NLGN1: variants seen among roughly 807,000 people sequenced by gnomAD.
NLGN1 encodes the protein neuroligin-1.
NLGN1 carries 12 observed loss-of-function variants against 65.5 expected under a neutral mutation model. That is an observed-to-expected ratio of 0.18 (90% CI 0.12 to 0.30). The LOEUF (loss-of-function observed/expected upper bound fraction) is 0.30. Among genes scored for constraint, NLGN1 ranks in the 10% least tolerant of loss-of-function variants. The probability of loss-of-function intolerance (pLI) is 1.00; values close to 1 mark genes in which losing one functional copy is unlikely to be tolerated. For synonymous variants in NLGN1, 350 were observed against 359.5 expected (o/e 0.97, Z 0.30); for missense variants, 750 against 1,007.1 (o/e 0.74, Z 3.46).
intron 4 of NLGN1, among the ~76,000 whole-genome samples, chr3:173,973,760 A>G (rs1259188552): frequency 6.6e-6 from 1 of 152,068 alleles, no homozygotes; most frequent in Non-Finnish European, 1.5e-5. Flanking sequence ...GATATTTTCC[A>G]AGACCCAAAT....
At chr3:173,554,151 T>C (rs568126242) in intron 2 of NLGN1, among the ~76,000 whole-genome samples, 19 of 152,226 alleles carry the variant, frequency 1.2e-4, no homozygotes, top group Non-Finnish European at 2.5e-4. Flanking sequence ...TGGGGAATTA[T>C]AATTCTATAA....
intron 4 of NLGN1, among the ~76,000 whole-genome samples, chr3:174,139,991 A>C (rs559267868): frequency 6.6e-6 from 1 of 152,274 alleles, no homozygotes; most frequent in Non-Finnish European, 1.5e-5. Flanking sequence ...ATTTTAGATA[A>C]CAGTTATTTA....
At chr3:173,779,824 T>G (rs1044377714) in intron 3 of NLGN1, among the ~76,000 whole-genome samples, 4 of 152,096 alleles carry the variant, frequency 2.6e-5, no homozygotes, top group African/African-American at 9.7e-5. Flanking sequence ...TAAAGATGAG[T>G]GGCAGAATAT....
intron 4 of NLGN1, among the ~76,000 whole-genome samples, chr3:174,232,539 A>G (rs1313103130): frequency 1.3e-5 from 2 of 152,218 alleles, no homozygotes; most frequent in African/African-American, 4.8e-5. Flanking sequence ...ACATGTATAC[A>G]TGGGACCCTT....
intron 4 of NLGN1, among the ~76,000 whole-genome samples, chr3:173,927,767 A>G (rs976631448): frequency 1.3e-5 from 2 of 151,994 alleles, no homozygotes; most frequent in Admixed American, 1.3e-4. Context: ...AAACACACAT[A>G]CATACATACA....
chr3:173,851,686 G>C (rs2150740677), intron 4 of NLGN1, among the ~76,000 whole-genome samples: 1 of 152,162 alleles, frequency 6.6e-6, no homozygotes, highest in Non-Finnish European at 1.5e-5. Context: ...CAGATACCTA[G>C]AAGATGCTTG....
intron 4 of NLGN1, among the ~76,000 whole-genome samples, chr3:173,999,264 C>T (rs1421166842): frequency 2.0e-5 from 3 of 152,104 alleles, no homozygotes; most frequent in East Asian, 3.9e-4. Context: ...TGGTGGTTTT[C>T]CCAGAACACA....
intron 4 of NLGN1, among the ~76,000 whole-genome samples, chr3:174,206,913 A>G (rs1422088265): frequency 6.6e-6 from 1 of 152,122 alleles, no homozygotes; most frequent in Non-Finnish European, 1.5e-5. Context: ...TTCAAGAGTA[A>G]GTACTTCTGG....
At chr3:174,060,274 CA>C in intron 4 of NLGN1, among the ~76,000 whole-genome samples, 1 of 152,054 alleles carries the variant, frequency 6.6e-6, no homozygotes, top group South Asian at 2.1e-4. Flanking sequence ...CAGACTGCTC[CA>C]TCTCATATGT....
intron 4 of NLGN1, among the ~76,000 whole-genome samples, chr3:174,216,094 CT>C (rs1737546912): frequency 6.6e-6 from 1 of 152,146 alleles, no homozygotes; most frequent in African/African-American, 2.4e-5. Context: ...TTCCAATCCA[CT>C]TTCAATTGCA....
chr3:174,064,999 G>A (rs1254153634), intron 4 of NLGN1, among the ~76,000 whole-genome samples: 2 of 151,598 alleles, frequency 1.3e-5, no homozygotes, highest in African/African-American at 4.8e-5. Context: ...ATTCAATGAG[G>A]TGTCAAGTAT....
chr3:174,243,197 A>G lies in NLGN1; in HGVS notation c.647-32118A>G, dbSNP rs557187039. 2.6e-5 allele frequency among the ~76,000 whole-genome samples: 4 copies of G among 152,332 alleles called. No individual in the cohort carries two copies. In the South Asian group the frequency reaches 8.3e-4, roughly 32 times the overall value. ...CACATATAGACATTTCTAATACCCAAAAAGAAAGTATGCCCTTTGCCTATT... is the reference window on the plus strand; with the variant it reads ...CACATATAGACATTTCTAATACCCAGAAAGAAAGTATGCCCTTTGCCTATT... On this transcript the variant is annotated intron_variant, in intron 4 of 6. Coordinates refer to ENST00000457714, the Ensembl canonical transcript of NLGN1.
intron 3 of NLGN1, among the ~76,000 whole-genome samples, chr3:173,649,732 T>G (rs1210457705): frequency 1.3e-5 from 2 of 152,100 alleles, no homozygotes; most frequent in African/African-American, 4.8e-5. Context: ...GGATTGTATC[T>G]ATACTATTAC....
intron 4 of NLGN1, among the ~76,000 whole-genome samples, chr3:174,035,125 T>G (rs973299255): frequency 6.6e-6 from 1 of 152,190 alleles, no homozygotes; most frequent in Admixed American, 6.5e-5. Context: ...AAAATTTACA[T>G]TATTTAATTT....
chr3:173,725,185 AAAG>A (rs1367921199), intron 3 of NLGN1, among the ~76,000 whole-genome samples: 16 of 152,190 alleles, frequency 1.1e-4, no homozygotes, highest in African/African-American at 3.9e-4. Flanking sequence ...AATAATAAAA[AAAG>A]AAAAAAATAA....
At chr3:173,547,675 G>A (rs763930334) in intron 2 of NLGN1, among the ~76,000 whole-genome samples, 7 of 152,058 alleles carry the variant, frequency 4.6e-5, no homozygotes, top group Non-Finnish European at 8.8e-5. Context: ...AGCTTTTAGC[G>A]AATTAGATTG....
At chr3:174,289,729 A>G (rs1386934961), downstream of NLGN1, among the ~76,000 whole-genome samples, 1 of 150,844 alleles carries the variant, frequency 6.6e-6, no homozygotes, top group Non-Finnish European at 1.5e-5. Context: ...ATAAAACAAA[A>G]TATTTTAAAG....
chr3:173,438,942 T>C (rs529203886), intron 2 of NLGN1, among the ~76,000 whole-genome samples: 6 of 152,320 alleles, frequency 3.9e-5, no homozygotes, highest in African/African-American at 1.2e-4. Context: ...CTGGGAAATA[T>C]TTCAGTATTT....
At chr3:174,031,371 C>T (rs1233399329) in intron 4 of NLGN1, among the ~76,000 whole-genome samples, 1 of 152,172 alleles carries the variant, frequency 6.6e-6, no homozygotes, top group Non-Finnish European at 1.5e-5. Context: ...AGTTGGCAAG[C>T]CTCATCCACT....
Sources: allele counts gnomAD v4.1 joint callset (sites outside exome capture counted in the v4.1 genomes callset), GRCh38; gene constraint gnomAD v4.1.1; transcripts MANE v1.5; gene names NCBI Gene and HGNC (gene_info 2026-07-23, HGNC 2026-07-21).